The following FAM184A variants were observed in gnomAD, a reference collection of about 807,000 sequenced individuals.
FAM184A encodes the protein protein FAM184A.
A neutral mutation model predicts 143.8 loss-of-function variants in FAM184A; 99 were observed. The ratio of observed to expected loss-of-function variants is 0.69; its 90% CI spans 0.58 to 0.81. FAM184A has a LOEUF of 0.81. FAM184A is among the 40% of genes least tolerant of loss of function. FAM184A has a pLI of 0.00. For missense variants in FAM184A, 1,217 were observed against 1,310.5 expected, an observed-to-expected ratio of 0.93 and a Z score of 1.10; for synonymous variants, 427 against 446.4, an observed-to-expected ratio of 0.96 and a Z score of 0.55.
intron 1 of FAM184A, among the ~76,000 whole-genome samples, chr6:119,032,088 A>G (rs1049191344): frequency 1.3e-5 from 2 of 152,118 alleles, no homozygotes; most frequent in Non-Finnish European, 2.9e-5. Flanking sequence ...CCTGGCCAAC[A>G]TGGCGAAACC....
Position 119,003,547 on chromosome 6 carries a change from C to A in FAM184A, c.1891G>T (p.Asp631Tyr), listed in dbSNP as rs902044292. ...AMKEEEKLKV[D>Y]KMAHDLEIKW... ...ATTTCTAAGTCATGGGCCATTTTGT[C>A]CACTTTGAGCTTCTCTTCTTCTTTC... Residue 631 changes from aspartate to tyrosine, a missense_variant, in exon 8 of 18, where the codon GAC becomes TAC. Transcript: ENST00000338891. The A allele has an allele frequency of 6.2e-7, 1 of 1,613,056 alleles. No individual in the cohort carries two copies. The highest frequency in any genetic ancestry group is 1.3e-5 in the African/African-American group (1 of 74,974).
chr6:118,984,175 A>T (rs1225918307), intron 9 of FAM184A, among the ~76,000 whole-genome samples: 1 of 140,958 alleles, frequency 7.1e-6, no homozygotes, highest in Non-Finnish European at 1.5e-5. Context: ...ATATATATAT[A>T]TATTTATATA....
chr6:119,075,392 C>T (rs1787836695), intron 1 of FAM184A, among the ~76,000 whole-genome samples: 1 of 152,072 alleles, frequency 6.6e-6, no homozygotes. Context: ...AATGAAGAGC[C>T]TACTATGTGC....
At chr6:119,011,843 A>C (rs1451674590) in intron 5 of FAM184A, among the ~76,000 whole-genome samples, 1 of 152,228 alleles carries the variant, frequency 6.6e-6, no homozygotes, top group Non-Finnish European at 1.5e-5. Flanking sequence ...AGAATGAGCA[A>C]GTATAAAATG....
intron 1 of FAM184A, among the ~76,000 whole-genome samples, chr6:119,101,327 C>T (rs1255582414): frequency 6.6e-6 from 1 of 151,972 alleles, no homozygotes; most frequent in Non-Finnish European, 1.5e-5. Context: ...CCGCCTCGGC[C>T]TCCCAAAGTG....
At chr6:119,022,692 C>T (rs1387041417) in intron 3 of FAM184A, among the ~76,000 whole-genome samples, 10 of 151,802 alleles carry the variant, frequency 6.6e-5, no homozygotes, top group South Asian at 2.1e-4. Flanking sequence ...CTGGGCAACA[C>T]GGTGAAACTC....
At chr6:118,965,971 T>C (rs1340117581) in intron 15 of FAM184A, among the ~76,000 whole-genome samples, 1 of 152,034 alleles carries the variant, frequency 6.6e-6, no homozygotes, top group Non-Finnish European at 1.5e-5. Flanking sequence ...ATGTAGAAAA[T>C]TGGGTGGCTG....
chr6:118,962,091 T>A, intron 16 of FAM184A, 128 bp from the exon 17 acceptor site: 1 of 824,702 alleles, frequency 1.2e-6, no homozygotes. Context: ...AAATGTTAAT[T>A]AACCAGTGTT....
At chr6:118,986,567 T>A (rs1784202858) in intron 9 of FAM184A, among the ~76,000 whole-genome samples, 1 of 152,188 alleles carries the variant, frequency 6.6e-6, no homozygotes, top group African/African-American at 2.4e-5. Flanking sequence ...ATGACTATAA[T>A]GTTATAAAAG....
At chr6:119,084,856 T>C (rs1788173320) in intron 1 of FAM184A, among the ~76,000 whole-genome samples, 1 of 152,226 alleles carries the variant, frequency 6.6e-6, no homozygotes, top group Non-Finnish European at 1.5e-5. Flanking sequence ...CCAAGGTTTA[T>C]GGCTTGCACC....
rs1789192360 is a variant in FAM184A, at chr6:119,120,832, CTTT to C, written c.-202+28243_-202+28245del. Among the ~76,000 whole-genome samples the C allele has an allele frequency of 8.4e-5, 10 of 119,012 alleles. No individual in the cohort carries two copies. The Admixed American group carries it at 1.0e-3, about 12-fold the overall frequency. The allele number at this position is 119,012 out of a possible 152,430, so 78.1% of individuals were successfully genotyped here. The stretch of plus-strand genomic sequence containing the variant: ...TCTTTCTTTCTTTCTTTCTTCCTTT[CTTT>C]CTTTCTTTCTTTCTTTTTTTTTTTT... On this transcript the variant is annotated intron_variant, in intron 1 of 16. Coordinates refer to the FAM184A transcript ENST00000352896.
At chr6:118,961,726 A>C in intron 17 of FAM184A, 35 bp downstream of exon 17, 1 of 1,557,542 alleles carries the variant, frequency 6.4e-7, no homozygotes, top group Middle Eastern at 1.7e-4. Context: ...AAGTTAAAAA[A>C]GAAAAGAAAA....
At chr6:119,090,272 C>G (rs936268882) in intron 1 of FAM184A, among the ~76,000 whole-genome samples, 2 of 152,224 alleles carry the variant, frequency 1.3e-5, no homozygotes, top group African/African-American at 4.8e-5. Flanking sequence ...AGAATTTTCT[C>G]TAGCAAAGAC....
At chr6:119,108,128 A>AGTGTGTGTGTGTGTGTGT (rs57693047) in intron 1 of FAM184A, among the ~76,000 whole-genome samples, 31,114 of 147,024 alleles carry the variant, frequency 0.21, 3,611 homozygotes, top group Non-Finnish European at 0.24. Context: ...AGCACTTGTT[A>AGTGTGTGTGTGTGTGTGT]GTGTGTGTGT....
Position 119,024,521 on chromosome 6 carries a change from A to T in FAM184A, c.452T>A (p.Ile151Lys). 6.2e-7 allele frequency: 1 copy of T among 1,613,912 alleles called. No individual in the cohort carries two copies. The highest frequency in any genetic ancestry group is 8.5e-7 in the Non-Finnish European group (1 of 1,179,968). ...TTCGACTTCTCTAGACATGGTCACT[A>T]TGCGTTGGACATGCTGGGCTTCTGC... ...LCAEAQHVQR[I>K]VTMSREVEEI... Residue 151 changes from isoleucine to lysine, a missense_variant, in exon 2 of 18, where the codon ATA (isoleucine) becomes AAA (lysine). Transcript: ENST00000338891.
intron 1 of FAM184A, among the ~76,000 whole-genome samples, chr6:119,057,168 C>G (rs1206816589): frequency 6.6e-6 from 1 of 152,122 alleles, no homozygotes; most frequent in Non-Finnish European, 1.5e-5. Context: ...CACACTATTA[C>G]TAATGAAGTA....
intron 14 of FAM184A, among the ~76,000 whole-genome samples, chr6:118,970,008 A>ATATATATATATATATATTTT: frequency 1.0e-4 from 2 of 19,054 alleles, no homozygotes; most frequent in South Asian, 1.7e-3. Context: ...ATATATATAT[A>ATATATATATATATATATTTT]TTTTTTTTTT....
intron 1 of FAM184A, among the ~76,000 whole-genome samples, chr6:119,104,585 T>C (rs182952354): frequency 6.6e-6 from 1 of 152,302 alleles, no homozygotes; most frequent in East Asian, 1.9e-4. Context: ...TCTAAGAATA[T>C]GATCTTAAGT....
rs571304243 is a variant in FAM184A at position 119,148,513 on chromosome 6, C to G, written c.-202+565G>C. ...GGCCAAGTCCAACTGTCTGGATTCTCTTTGTCCCGCCCCTGCTCTGCCTGC... is the reference window on the plus strand; with the variant it reads ...GGCCAAGTCCAACTGTCTGGATTCTGTTTGTCCCGCCCCTGCTCTGCCTGC... On this transcript the variant is annotated intron_variant, in intron 1 of 16. Transcript: ENST00000352896. Among the ~76,000 whole-genome samples, 8 of 152,208 alleles carry G rather than the reference C, an allele frequency of 5.3e-5. No individual in the cohort carries two copies. The East Asian group carries it at 1.5e-3, about 29-fold the overall frequency.
Sources: allele counts gnomAD v4.1 joint callset (sites outside exome capture counted in the v4.1 genomes callset), GRCh38; gene constraint gnomAD v4.1.1; transcripts MANE v1.5; gene names NCBI Gene and HGNC (gene_info 2026-07-23, HGNC 2026-07-21).